Variants in AGBL4 observed in about 807,000 individuals in gnomAD.
AGBL4 encodes AGBL carboxypeptidase 4.
AGBL4 carries 58 observed loss-of-function variants against 66.4 expected under a neutral mutation model. The ratio of observed to expected loss-of-function variants is 0.87; its 90% CI spans 0.71 to 1.09. The LOEUF (loss-of-function observed/expected upper bound fraction) is 1.09. Among genes scored for constraint, AGBL4 ranks in the 50% least tolerant of loss-of-function variants. The pLI is 0.00. For synonymous variants in AGBL4, 234 were observed against 222.9 expected, an observed-to-expected ratio of 1.05 and a Z score of -0.44; for missense variants, 579 against 631.0, an observed-to-expected ratio of 0.92 and a Z score of 0.88.
intron 3 of AGBL4, among the ~76,000 whole-genome samples, chr1:49,403,495 C>T (rs925910268): frequency 4.6e-5 from 7 of 152,120 alleles, no homozygotes; most frequent in African/African-American, 1.7e-4. Context: ...AATTCCTTCT[C>T]TGTTATCTTG....
At chr1:48,735,963 C>A (rs1648975444) in intron 6 of AGBL4, among the ~76,000 whole-genome samples, 1 of 152,162 alleles carries the variant, frequency 6.6e-6, no homozygotes, top group African/African-American at 2.4e-5. Flanking sequence ...CTAAGGGTAT[C>A]CTCCCCTCCT....
At chr1:48,708,405 C>G (rs1018487833) in intron 6 of AGBL4, among the ~76,000 whole-genome samples, 1 of 152,106 alleles carries the variant, frequency 6.6e-6, no homozygotes, top group Non-Finnish European at 1.5e-5. Flanking sequence ...TGATGAACCA[C>G]AATGATTCTG....
intron 6 of AGBL4, chr1:48,728,182 A>C (rs1436896480): frequency 2.7e-6 from 2 of 732,744 alleles, no homozygotes; most frequent in African/African-American, 3.6e-5. Context: ...ATATTTTAAA[A>C]TTTGCATCAT....
Position 49,897,478 on chromosome 1 carries a change from A to G in AGBL4, c.35-45960T>C. Among the ~76,000 whole-genome samples the G allele has an allele frequency of 1.3e-5, 2 of 152,106 alleles. 1 individual carries two copies. The highest frequency in any genetic ancestry group is 2.9e-5 in the Non-Finnish European group (2 of 67,968). On this transcript the variant is annotated intron_variant, in intron 1 of 13. Coordinates refer to ENST00000371839, the MANE Select transcript of AGBL4 (RefSeq NM_032785.4). The stretch of plus-strand genomic sequence containing the variant: ...AGAGGACACAAAAAAGTGGAAAAAT[A>G]TTACAAGTTCATGCATTGGAAGAAT...
At chr1:49,497,676 T>C (rs2148757170) in intron 3 of AGBL4, among the ~76,000 whole-genome samples, 1 of 152,124 alleles carries the variant, frequency 6.6e-6, no homozygotes, top group South Asian at 2.1e-4. Context: ...GCACGTTCGT[T>C]GAAAATAAAT....
chr1:49,389,982 G>A (rs1210007597), intron 3 of AGBL4, among the ~76,000 whole-genome samples: 2 of 152,228 alleles, frequency 1.3e-5, no homozygotes, highest in East Asian at 3.9e-4. Context: ...TGAATAACCA[G>A]CAAAATTTCA....
chr1:49,109,217 G>T (rs143020596), intron 4 of AGBL4, among the ~76,000 whole-genome samples: 5 of 152,132 alleles, frequency 3.3e-5, no homozygotes, highest in African/African-American at 1.2e-4. Context: ...TGGGGAGAAG[G>T]TTTCCCCAGT....
chr1:49,135,466 G>A (rs1645992328), intron 4 of AGBL4, among the ~76,000 whole-genome samples: 2 of 152,122 alleles, frequency 1.3e-5, no homozygotes, highest in South Asian at 4.2e-4. Context: ...GAGGTGTGAA[G>A]TGGGAAATCA....
intron 9 of AGBL4, among the ~76,000 whole-genome samples, chr1:48,633,805 G>C (rs894066501): frequency 3.9e-5 from 6 of 152,168 alleles, no homozygotes; most frequent in Admixed American, 2.0e-4. Flanking sequence ...GAGCAAACTT[G>C]GTGTGAACAC....
intron 4 of AGBL4, among the ~76,000 whole-genome samples, chr1:49,208,303 G>T (rs762293409): frequency 2.0e-5 from 3 of 151,914 alleles, no homozygotes; most frequent in Non-Finnish European, 4.4e-5. Flanking sequence ...ACTAAAAATT[G>T]ATTTTTTTTC....
At chr1:48,676,813 A>G (rs976006244) in intron 6 of AGBL4, among the ~76,000 whole-genome samples, 1 of 152,208 alleles carries the variant, frequency 6.6e-6, no homozygotes, top group African/African-American at 2.4e-5. Flanking sequence ...CTTTGTAAAA[A>G]TACTGATGCC....
At chr1:49,680,011 T>C (rs1192303132) in intron 3 of AGBL4, among the ~76,000 whole-genome samples, 1 of 151,796 alleles carries the variant, frequency 6.6e-6, no homozygotes, top group East Asian at 1.9e-4. Flanking sequence ...TTTAAATTCA[T>C]TCATGATGTT....
intron 6 of AGBL4, among the ~76,000 whole-genome samples, chr1:48,731,410 G>A (rs1444366905): frequency 1.3e-5 from 2 of 152,134 alleles, no homozygotes; most frequent in Non-Finnish European, 2.9e-5. Context: ...TCTCATTCAC[G>A]TACAAGGCAA....
chr1:48,770,970 C>T (rs560156427), intron 6 of AGBL4, among the ~76,000 whole-genome samples: 162 of 152,294 alleles, frequency 1.1e-3, no homozygotes, highest in African/African-American at 3.8e-3. Context: ...ACAGTGTTCA[C>T]TAAACAACTG....
intron 6 of AGBL4, among the ~76,000 whole-genome samples, chr1:48,814,613 T>A (rs946116666): frequency 1.3e-5 from 2 of 150,376 alleles, no homozygotes; most frequent in Non-Finnish European, 3.0e-5. Flanking sequence ...GATCAACTTT[T>A]TTTTTTTTTT....
intron 5 of AGBL4, among the ~76,000 whole-genome samples, chr1:49,039,403 T>C (rs1664928240): frequency 6.6e-6 from 1 of 152,132 alleles, no homozygotes; most frequent in Non-Finnish European, 1.5e-5. Context: ...TGGTGAAAGA[T>C]TGTTAATAAC....
chr1:49,623,089 T>C (rs1448194792), intron 3 of AGBL4, among the ~76,000 whole-genome samples: 1 of 152,218 alleles, frequency 6.6e-6, no homozygotes, highest in Non-Finnish European at 1.5e-5. Context: ...TTAGTTTAAG[T>C]GCAGAGACCA....
chr1:48,869,217 C>G (rs537108381), intron 5 of AGBL4, among the ~76,000 whole-genome samples: 2 of 152,302 alleles, frequency 1.3e-5, no homozygotes, highest in East Asian at 3.9e-4. Flanking sequence ...CAATGCAACT[C>G]TAAGATGTCA....
chr1:49,071,243 T>C (rs1015340254), intron 4 of AGBL4, among the ~76,000 whole-genome samples: 1 of 151,986 alleles, frequency 6.6e-6, no homozygotes, highest in African/African-American at 2.4e-5. Flanking sequence ...CTCTATCTCC[T>C]TCAGTTCTGT....
Sources: allele counts gnomAD v4.1 joint callset (sites outside exome capture counted in the v4.1 genomes callset), GRCh38; gene constraint gnomAD v4.1.1; transcripts MANE v1.5; gene names NCBI Gene and HGNC (gene_info 2026-07-23, HGNC 2026-07-21).